ADAM7: variants seen among roughly 807,000 people sequenced by gnomAD.
The protein encoded by ADAM7 is disintegrin and metalloproteinase domain-containing protein 7.
Under a neutral mutation model 102.9 loss-of-function variants are expected in ADAM7, and 97 were observed. The observed-to-expected ratio is 0.94, with a 90% confidence interval of 0.80 to 1.12. ADAM7 has a LOEUF of 1.12. Among genes scored for constraint, ADAM7 ranks in the 50% most tolerant of loss-of-function variants. ADAM7 has a pLI of 0.00. For synonymous variants in ADAM7, 334 were observed against 304.4 expected (o/e 1.10, Z -1.01); for missense variants, 991 against 908.7 (o/e 1.09, Z -1.16).
At chr8:24,492,170 T>A in intron 14 of ADAM7, 72 bp downstream of exon 14, 2 of 1,437,662 alleles carry the variant, frequency 1.4e-6, no homozygotes, top group Non-Finnish European at 1.9e-6. Flanking sequence ...CCTGTAGGAA[T>A]TGGGTCAAGA....
chr8:24,458,378 C>A (rs1819117473), intron 3 of ADAM7, among the ~76,000 whole-genome samples: 1 of 152,062 alleles, frequency 6.6e-6, no homozygotes, highest in Admixed American at 6.5e-5. Context: ...TCTCACCTGT[C>A]TTGTTAAATT....
At chr8:24,459,421 T>C (rs957608490) in intron 3 of ADAM7, among the ~76,000 whole-genome samples, 1 of 152,008 alleles carries the variant, frequency 6.6e-6, no homozygotes, top group African/African-American at 2.4e-5. Flanking sequence ...AAAGGGGCTA[T>C]CAATTGTCGA....
chr8:24,505,055 A>C (rs1820903835), intron 20 of ADAM7, among the ~76,000 whole-genome samples: 1 of 152,186 alleles, frequency 6.6e-6, no homozygotes, highest in Admixed American at 6.6e-5. Flanking sequence ...TGAGGTTTAA[A>C]TGAGAAATTG....
At chr8:24,505,150 T>G (rs1563400096) in intron 20 of ADAM7, among the ~76,000 whole-genome samples, 2 of 152,162 alleles carry the variant, frequency 1.3e-5, no homozygotes, top group Admixed American at 6.6e-5. Context: ...CATGTGCTGT[T>G]GCAGTTACTT....
intron 7 of ADAM7, among the ~76,000 whole-genome samples, chr8:24,471,446 C>T (rs903288315): frequency 6.8e-6 from 1 of 146,094 alleles, no homozygotes; most frequent in African/African-American, 2.5e-5. Flanking sequence ...ATGGTAAGTT[C>T]CCTAAGGAAG....
chr8:24,474,917 A>G (rs926745104), intron 7 of ADAM7, among the ~76,000 whole-genome samples: 5 of 152,082 alleles, frequency 3.3e-5, no homozygotes, highest in Non-Finnish European at 7.4e-5. Context: ...CAACAAAAAG[A>G]GCAAGAAAGC....
intron 9 of ADAM7, among the ~76,000 whole-genome samples, chr8:24,484,862 G>A (rs138833108): frequency 7.3e-6 from 1 of 137,144 alleles, no homozygotes; most frequent in African/African-American, 2.8e-5. Flanking sequence ...CTGGAGAGCA[G>A]TAGCATGATC....
At chr8:24,483,259 T>C (rs1585900490) in intron 9 of ADAM7, among the ~76,000 whole-genome samples, 1 of 152,192 alleles carries the variant, frequency 6.6e-6, no homozygotes, top group South Asian at 2.1e-4. Flanking sequence ...TAAGTAATTA[T>C]GGAACTGAAT....
intron 10 of ADAM7, 69 bp downstream of exon 10, chr8:24,485,430 T>G (rs551119685): frequency 1.4e-6 from 2 of 1,414,916 alleles, no homozygotes; most frequent in African/African-American, 2.9e-5. Context: ...CTGGGTTCCA[T>G]GGAAAGAGAC....
chr8:24,460,769 A>G (rs374878771), intron 3 of ADAM7, among the ~76,000 whole-genome samples: 97 of 79,706 alleles, frequency 1.2e-3, no homozygotes, highest in African/African-American at 6.1e-3. Context: ...GTGTGTGTGT[A>G]TATATATATA....
chr8:24,450,352 A>AAG (rs1351343555), intron 3 of ADAM7, among the ~76,000 whole-genome samples: 2 of 152,126 alleles, frequency 1.3e-5, no homozygotes, highest in African/African-American at 4.8e-5. Flanking sequence ...GTTCTCCTTG[A>AAG]AGAGGTCCTT....
At chr8:24,478,339 C>T (rs975947016) in intron 8 of ADAM7, among the ~76,000 whole-genome samples, 77 of 152,152 alleles carry the variant, frequency 5.1e-4, no homozygotes, top group Non-Finnish European at 4.4e-5. Flanking sequence ...CAGGTTTCTT[C>T]TTTGGGCCAG....
At chr8:24,485,693 A>G (rs1820118975) in intron 10 of ADAM7, among the ~76,000 whole-genome samples, 1 of 152,194 alleles carries the variant, frequency 6.6e-6, no homozygotes, top group Non-Finnish European at 1.5e-5. Flanking sequence ...GGCTCATTTA[A>G]TAAGTGAGGA....
At position 24,492,552 on chromosome 8, in the gene ADAM7, GAT is replaced by G; in HGVS notation, c.1612_1613del (p.Tyr538LeufsTer12). ...ATGAATACAAAAGGAAATAAATTTG[GAT>G]ACTGCAAAAACAAGGAAAACAGATT... On this transcript the variant is annotated frameshift_variant, in exon 15 of 22. Coordinates refer to ENST00000175238, the MANE Select transcript of ADAM7 (RefSeq NM_003817.4). LOFTEE classifies it high-confidence loss of function. The G allele has an allele frequency of 6.2e-7, 1 of 1,613,032 alleles. No homozygotes were observed. Among genetic ancestry groups the G allele is most frequent in the Non-Finnish European group, 8.5e-7 (1 of 1,179,394 alleles).
chr8:24,442,501 A>G lies in ADAM7; in HGVS notation c.81A>G (p.Gln27=). ...AGTTCATCCTTGGAGTAGAGGGTCA[A>G]CAACTGGTTCGTCCTAAAAAGCTTC... ...KEKFILGVEG[Q]QLVRPKKLPL... is the part of the protein sequence containing the mutation. Residue 27 remains glutamine, a synonymous_variant, in exon 2 of 22, where the codon CAA becomes CAG. Coordinates refer to ENST00000175238, the MANE Select transcript of ADAM7 (RefSeq NM_003817.4). 3.7e-6 allele frequency: 6 copies of G among 1,614,128 alleles called. No individual in the cohort carries two copies. The highest frequency in any genetic ancestry group is 4.2e-6 in the Non-Finnish European group (5 of 1,179,974).
At chr8:24,454,427 A>G (rs1451392487) in intron 3 of ADAM7, among the ~76,000 whole-genome samples, 2 of 152,168 alleles carry the variant, frequency 1.3e-5, no homozygotes, top group Non-Finnish European at 2.9e-5. Context: ...AGCAATCAGC[A>G]AGACTCCATG....
chr8:24,467,119 T>C (rs1819453850), intron 6 of ADAM7, 131 bp downstream of exon 6: 7 of 896,804 alleles, frequency 7.8e-6, no homozygotes, highest in African/African-American at 1.7e-5. Flanking sequence ...CATCTGATAT[T>C]TGAAATTGGA....
At chr8:24,458,429 G>A (rs771354075) in intron 3 of ADAM7, among the ~76,000 whole-genome samples, 3 of 152,072 alleles carry the variant, frequency 2.0e-5, no homozygotes, top group Non-Finnish European at 2.9e-5. Flanking sequence ...TATATAAGCT[G>A]AATTGTCTTT....
At chr8:24,485,418 T>C (rs2129389490) in intron 10 of ADAM7, 57 bp downstream of exon 10, 2 of 1,506,892 alleles carry the variant, frequency 1.3e-6, no homozygotes, top group African/African-American at 1.4e-5. Flanking sequence ...TGTTGTAATG[T>C]CCTGGGTTCC....
Sources: allele counts gnomAD v4.1 joint callset (sites outside exome capture counted in the v4.1 genomes callset), GRCh38; gene constraint gnomAD v4.1.1; transcripts MANE v1.5; gene names NCBI Gene and HGNC (gene_info 2026-07-23, HGNC 2026-07-21).